Variants in ITFG1 observed in about 807,000 individuals in gnomAD.
ITFG1 encodes integrin alpha FG-GAP repeat containing 1.
In ITFG1, 34 loss-of-function variants were observed where a neutral mutation model predicts 81.8. The ratio of observed to expected loss-of-function variants is 0.42; its 90% CI spans 0.32 to 0.55. The LOEUF (loss-of-function observed/expected upper bound fraction) is 0.55, where lower values mean the gene tolerates loss of function less well. ITFG1 is among the 20% of genes least tolerant of loss of function. ITFG1 has a pLI of 0.17. For synonymous variants in ITFG1, 285 were observed against 270.6 expected (o/e 1.05, Z -0.52); for missense variants, 672 against 755.4 (o/e 0.89, Z 1.29).
At position 47,372,758 on chromosome 16, in the gene ITFG1, T is replaced by C. The variant is rs565975962; in HGVS notation, c.720+3118A>G. 2.6e-5 allele frequency among the ~76,000 whole-genome samples: 4 copies of C among 152,274 alleles called. No individual in the cohort carries two copies. In the South Asian group the frequency reaches 8.3e-4, roughly 32 times the overall value. ...GTGAGCTACTGTGCCTGGCCTCTAT[T>C]TCTCTTATTGCTCACCAGAAGAAAA... On this transcript the variant is annotated intron_variant, in intron 7 of 17. Coordinates refer to ENST00000320640, the MANE Select transcript of ITFG1 (RefSeq NM_030790.5).
chr16:47,346,600 G>A (rs1488102904), intron 8 of ITFG1, among the ~76,000 whole-genome samples: 3 of 152,124 alleles, frequency 2.0e-5, no homozygotes, highest in Non-Finnish European at 4.4e-5. Context: ...TGATAGTACT[G>A]AAATACAAAG....
intron 13 of ITFG1, among the ~76,000 whole-genome samples, chr16:47,235,218 T>A (rs1227091965): frequency 6.6e-6 from 1 of 152,058 alleles, no homozygotes; most frequent in Non-Finnish European, 1.5e-5. Flanking sequence ...AGGGTTGAAA[T>A]TTTCCCAGGC....
chr16:47,337,596 C>T (rs1329474060), intron 8 of ITFG1, among the ~76,000 whole-genome samples: 1 of 152,072 alleles, frequency 6.6e-6, no homozygotes, highest in Non-Finnish European at 1.5e-5. Context: ...AAAAGAATCA[C>T]AATGCATGGC....
chr16:47,252,492 G>A (rs955427117), intron 12 of ITFG1, among the ~76,000 whole-genome samples: 11 of 152,182 alleles, frequency 7.2e-5, no homozygotes, highest in African/African-American at 2.4e-4. Context: ...AATGAGTTAA[G>A]TTCTAGACTA....
At chr16:47,355,404 C>G (rs890894145) in intron 8 of ITFG1, among the ~76,000 whole-genome samples, 5 of 152,084 alleles carry the variant, frequency 3.3e-5, no homozygotes, top group African/African-American at 1.2e-4. Context: ...ATGGAGAGAG[C>G]TTGGTCAAAG....
In ITFG1 at chr16:47,272,943, T is replaced by C. The variant is rs112753895; in HGVS notation, c.1071-12248A>G. Among the ~76,000 whole-genome samples the C allele has an allele frequency of 8.9e-3, 1,321 of 149,138 alleles. 11 individuals are homozygous for C. Among genetic ancestry groups the C allele is most frequent in the South Asian group, 0.018 (78 of 4,408 alleles). On this transcript the variant is annotated intron_variant, in intron 10 of 17. Transcript: ENST00000320640. ...TTTTTTTGAGGCTGGTTTTAATTTA[T>C]CTTCAAAGGCTATAAAATTGGTGGT...
In ITFG1 at chr16:47,340,052, ATG is replaced by A. The variant is rs1478539292; in HGVS notation, c.802+25734_802+25735del. On this transcript the variant is annotated intron_variant, in intron 8 of 17. Transcript: ENST00000320640. ...ACAGAGGCCAGCAGGCAGTGGGATG[ATG>A]TATTTAAAACACTCAAAGAAAAACA... Among the ~76,000 whole-genome samples the A allele has an allele frequency of 3.4e-4, 52 of 152,312 alleles. 1 individual carries two copies. The highest frequency in any genetic ancestry group is 1.2e-3 in the African/African-American group (49 of 41,584).
At chr16:47,363,900 A>G (rs1182659891) in intron 8 of ITFG1, among the ~76,000 whole-genome samples, 1 of 152,136 alleles carries the variant, frequency 6.6e-6, no homozygotes, top group Non-Finnish European at 1.5e-5. Flanking sequence ...CTTGTCACTT[A>G]CATCACTTAT....
At chr16:47,225,290 G>T (rs2151529573) in intron 13 of ITFG1, among the ~76,000 whole-genome samples, 1 of 152,180 alleles carries the variant, frequency 6.6e-6, no homozygotes, top group Admixed American at 6.5e-5. Flanking sequence ...GAGCCTCTGA[G>T]ACATATGGAG....
chr16:47,295,097 C>T (rs1358758226), intron 10 of ITFG1, among the ~76,000 whole-genome samples: 7 of 152,118 alleles, frequency 4.6e-5, no homozygotes, highest in African/African-American at 9.7e-5. Flanking sequence ...GCTTTTTCTG[C>T]ATTTACTGAG....
intron 6 of ITFG1, among the ~76,000 whole-genome samples, chr16:47,408,382 C>A (rs1005243911): frequency 2.6e-5 from 4 of 152,200 alleles, no homozygotes; most frequent in African/African-American, 7.2e-5. Flanking sequence ...AGCAGGCATT[C>A]TGAGTGTGAG....
chr16:47,258,838 T>G (rs1353053755), intron 11 of ITFG1, 98 bp from the exon 12 acceptor site: 1 of 533,014 alleles, frequency 1.9e-6, no homozygotes, highest in Non-Finnish European at 3.2e-6. Flanking sequence ...ATAAAGTAAA[T>G]GTAGCCTTAT....
At chr16:47,461,074 C>A (rs760280189), upstream of ITFG1, 4 of 1,498,870 alleles carry the variant, frequency 2.7e-6, no homozygotes, top group Non-Finnish European at 3.5e-6. Flanking sequence ...GCCCGCCGGC[C>A]CAACGCCGCG....
At chr16:47,440,691 G>A (rs1184520860) in intron 5 of ITFG1, among the ~76,000 whole-genome samples, 1 of 152,114 alleles carries the variant, frequency 6.6e-6, no homozygotes, top group African/African-American at 2.4e-5. Flanking sequence ...AAAGCCGTGT[G>A]TAGAGGGAAA....
chr16:47,318,642 CTTAT>C (rs1160573015), intron 8 of ITFG1, among the ~76,000 whole-genome samples: 1 of 151,996 alleles, frequency 6.6e-6, no homozygotes, highest in African/African-American at 2.4e-5. Flanking sequence ...TATATCTATG[CTTAT>C]TTACTGTATT....
chr16:47,317,252 A>G (rs1427872534), intron 8 of ITFG1, among the ~76,000 whole-genome samples: 1 of 152,208 alleles, frequency 6.6e-6, no homozygotes, highest in African/African-American at 2.4e-5. Flanking sequence ...TAGAGAAACT[A>G]AAACTGATTT....
chr16:47,438,086 TAGCAC>T (rs1343051707), intron 5 of ITFG1, among the ~76,000 whole-genome samples: 1 of 152,174 alleles, frequency 6.6e-6, no homozygotes, highest in Non-Finnish European at 1.5e-5. Context: ...CACTCACTGC[TAGCAC>T]AGCAGTCTGA....
chr16:47,414,616 A>G (rs895590914), intron 6 of ITFG1, among the ~76,000 whole-genome samples: 4 of 152,178 alleles, frequency 2.6e-5, no homozygotes, highest in African/African-American at 9.6e-5. Flanking sequence ...AGGTCAATCC[A>G]TATGTGTCAA....
chr16:47,395,198 T>C (rs1393008699), intron 6 of ITFG1, among the ~76,000 whole-genome samples: 3 of 152,164 alleles, frequency 2.0e-5, no homozygotes, highest in Non-Finnish European at 2.9e-5. Context: ...ACTTAGTTCA[T>C]CTTCAACCTA....
Sources: gnomAD v4.1 joint callset for allele counts (sites outside exome capture counted in the v4.1 genomes callset) on GRCh38, gnomAD v4.1.1 for gene constraint, MANE v1.5 for transcripts, NCBI Gene and HGNC (gene_info 2026-07-23, HGNC 2026-07-21) for gene names.